AGMO: variants seen among roughly 807,000 people sequenced by gnomAD.
AGMO encodes alkylglycerol monooxygenase.
A neutral mutation model predicts 60.2 loss-of-function variants in AGMO; 75 were observed. The observed-to-expected ratio is 1.25, with a 90% CI of 1.03 to 1.51. AGMO has a LOEUF of 1.51. AGMO is among the 40% of genes most tolerant of loss of function. The pLI is 0.00. For missense variants in AGMO, 763 were observed against 525.5 expected (o/e 1.45, Z -4.42); for synonymous variants, 261 against 177.1 (o/e 1.47, Z -3.76).
intron 2 of AGMO, among the ~76,000 whole-genome samples, chr7:15,553,654 G>C (rs1336694979): frequency 1.3e-5 from 2 of 151,962 alleles, no homozygotes; most frequent in Non-Finnish European, 2.9e-5. Flanking sequence ...TAGGCATTAA[G>C]ATACCAAGAT....
intron 10 of AGMO, among the ~76,000 whole-genome samples, chr7:15,376,224 G>A (rs1361182512): frequency 2.0e-5 from 3 of 151,564 alleles, no homozygotes; most frequent in Admixed American, 6.6e-5. Flanking sequence ...AGTTACCACC[G>A]AAAATCTTAA....
At chr7:15,389,158 G>A (rs1018911941) in intron 8 of AGMO, among the ~76,000 whole-genome samples, 1 of 152,134 alleles carries the variant, frequency 6.6e-6, no homozygotes, top group African/African-American at 2.4e-5. Flanking sequence ...TGGCAGCACT[G>A]GCATCATACA....
intron 5 of AGMO, among the ~76,000 whole-genome samples, chr7:15,405,330 T>C (rs1784658479): frequency 6.6e-6 from 1 of 151,878 alleles, no homozygotes; most frequent in South Asian, 2.1e-4. Context: ...AAACAAAAAT[T>C]AATACAACAT....
chr7:15,354,751 A>G (rs2128556190), intron 12 of AGMO, among the ~76,000 whole-genome samples: 1 of 151,198 alleles, frequency 6.6e-6, no homozygotes, highest in African/African-American at 2.4e-5. Context: ...TAACACAAAA[A>G]TATCAAAGAG....
chr7:15,245,521 A>C (rs964079420), intron 12 of AGMO, among the ~76,000 whole-genome samples: 1 of 152,158 alleles, frequency 6.6e-6, no homozygotes, highest in Non-Finnish European at 1.5e-5. Flanking sequence ...TTGGCAAGGC[A>C]ATCTGCAACC....
chr7:15,322,659 T>C (rs1236816404), intron 12 of AGMO, among the ~76,000 whole-genome samples: 1 of 77,350 alleles, frequency 1.3e-5, no homozygotes, highest in Admixed American at 2.3e-4. Context: ...AATATATATA[T>C]AAATATATAT....
intron 5 of AGMO, among the ~76,000 whole-genome samples, chr7:15,414,467 G>C (rs532260198): frequency 1.4e-5 from 2 of 141,028 alleles, no homozygotes; most frequent in Non-Finnish European, 3.2e-5. Flanking sequence ...CCCTAGAATA[G>C]ACACACATAC....
At chr7:15,353,715 C>G (rs912243778) in intron 12 of AGMO, among the ~76,000 whole-genome samples, 1 of 152,044 alleles carries the variant, frequency 6.6e-6, no homozygotes. Context: ...ATACATTAAA[C>G]TGACAGTGAA....
chr7:15,359,147 GGC>G (rs1382839638), intron 12 of AGMO, among the ~76,000 whole-genome samples: 2 of 151,836 alleles, frequency 1.3e-5, no homozygotes, highest in Non-Finnish European at 2.9e-5. Context: ...AAATTAGCTG[GGC>G]ATGGTGGCAG....
chr7:15,449,376 A>G lies in AGMO; in HGVS notation c.410-18268T>C, dbSNP rs553035977. On this transcript the variant is annotated intron_variant, in intron 3 of 12. Coordinates refer to ENST00000342526, the MANE Select transcript of AGMO (RefSeq NM_001004320.2). ...TCTCTCTCTCTGTACATGTATAAAC[A>G]TATACAGCCATGTGCCACATAATGC... Among the ~76,000 whole-genome samples the G allele has an allele frequency of 9.9e-5, 15 of 152,114 alleles. No homozygotes were observed. The South Asian group carries it at 1.7e-3, about 17-fold the overall frequency.
the AGMO span, among the ~76,000 whole-genome samples, chr7:15,184,381 A>G: frequency 2.7e-4 from 9 of 33,538 alleles, no homozygotes; most frequent in Non-Finnish European, 4.1e-4. Flanking sequence ...GGAAGGAAGG[A>G]AGGAAAGAAG....
At chr7:15,118,454 T>C in the AGMO span, among the ~76,000 whole-genome samples, 3 of 152,104 alleles carry the variant, frequency 2.0e-5, no homozygotes, top group African/African-American at 2.4e-5. Context: ...CACTATTGAT[T>C]ATAGAAAACT....
chr7:15,497,349 C>G (rs1199478436), intron 3 of AGMO, among the ~76,000 whole-genome samples: 1 of 152,066 alleles, frequency 6.6e-6, no homozygotes, highest in Non-Finnish European at 1.5e-5. Context: ...GTCCCCCAAG[C>G]CTCATTACTT....
intron 2 of AGMO, among the ~76,000 whole-genome samples, chr7:15,548,528 T>C (rs1468133112): frequency 6.6e-6 from 1 of 151,952 alleles, no homozygotes; most frequent in African/African-American, 2.4e-5. Context: ...TGCAGAAGGC[T>C]CAGGAGCCGA....
intron 3 of AGMO, among the ~76,000 whole-genome samples, chr7:15,497,985 CAAG>C (rs1326130491): frequency 3.3e-5 from 5 of 151,940 alleles, no homozygotes; most frequent in African/African-American, 1.2e-4. Context: ...TATTTGGTAG[CAAG>C]AAGACTCTTC....
At chr7:15,289,044 T>A (rs1334628591) in intron 12 of AGMO, among the ~76,000 whole-genome samples, 1 of 151,824 alleles carries the variant, frequency 6.6e-6, no homozygotes, top group Non-Finnish European at 1.5e-5. Context: ...TTTTCTCCAT[T>A]CTTTAAATTT....
chr7:15,197,171 T>C (rs777958801), downstream of AGMO, among the ~76,000 whole-genome samples: 24 of 152,086 alleles, frequency 1.6e-4, no homozygotes, highest in Non-Finnish European at 2.4e-4. Context: ...TAGTCTGTTT[T>C]TTGCTATTTT....
intron 12 of AGMO, among the ~76,000 whole-genome samples, chr7:15,219,015 T>C (rs1036060966): frequency 6.6e-6 from 1 of 152,204 alleles, no homozygotes; most frequent in African/African-American, 2.4e-5. Flanking sequence ...CAGGTAAAGC[T>C]GTCAGAATCA....
At chr7:15,299,886 C>CACACACACACACA (rs774065679) in intron 12 of AGMO, among the ~76,000 whole-genome samples, 5 of 114,642 alleles carry the variant, frequency 4.4e-5, no homozygotes, top group East Asian at 2.3e-4. Context: ...CACACACACA[C>CACACACACACACA]AGTATGTTTT....
Sources: gnomAD v4.1 joint callset for allele counts (sites outside exome capture counted in the v4.1 genomes callset) on GRCh38, gnomAD v4.1.1 for gene constraint, MANE v1.5 for transcripts, NCBI Gene and HGNC (gene_info 2026-07-23, HGNC 2026-07-21) for gene names.